The following RNF114 variants were observed in gnomAD, a reference collection of about 807,000 sequenced individuals.
RNF114 encodes E3 ubiquitin-protein ligase RNF114.
Under a neutral mutation model 28.4 loss-of-function variants are expected in RNF114, and 6 were observed. The observed-to-expected ratio is 0.21, with a 90% CI of 0.12 to 0.42. The LOEUF (loss-of-function observed/expected upper bound fraction) is 0.42. Ranked by LOEUF, RNF114 falls within the 10% of genes least tolerant of loss-of-function variation. The pLI, the probability that RNF114 is intolerant of heterozygous loss-of-function variation, is 1.00. For missense variants in RNF114, 249 were observed against 311.7 expected (o/e 0.80, Z 1.51); for synonymous variants, 115 against 116.7 (o/e 0.99, Z 0.09).
chr20:49,945,962 G>A (rs542671845), intron 3 of RNF114, among the ~76,000 whole-genome samples, 174 bp from the exon 4 acceptor site: 5 of 152,274 alleles, frequency 3.3e-5, no homozygotes, highest in African/African-American at 1.2e-4. Context: ...CACCACGCCC[G>A]GCCAGCTGAG....
rs759498741 is a variant in RNF114 at position 49,936,428 on chromosome 20, C to T, written c.16C>T (p.Arg6Trp). 1.6e-5 allele frequency: 25 copies of T among 1,522,114 alleles called. No homozygotes were observed. The highest frequency in any genetic ancestry group is 2.9e-5 in the African/African-American group (2 of 69,870). 94.3% of individuals were successfully genotyped at this position (1,522,114 alleles called of 1,614,324 possible). A position where few individuals can be genotyped will look rare whatever the true frequency, so the allele number is the denominator to read the frequency against. The change falls in exon 1 of 6, where the codon CGG becomes TGG. Residue 6 changes from arginine (R) to tryptophan (W), a missense_variant. By Grantham distance (101) the Arg-to-Trp change is moderately radical (BLOSUM62 -3). Transcript: ENST00000244061. MAAQQ[R>W]DCGGAAQLAG... is the part of the protein sequence containing the mutation. Reference sequence around the variant, plus strand: ...CGGCAGCAAGATGGCGGCGCAACAGCGGGACTGCGGGGGTGCTGCGCAGCT... The same window carrying T: ...CGGCAGCAAGATGGCGGCGCAACAGTGGGACTGCGGGGGTGCTGCGCAGCT...
chr20:49,947,815 G>C (rs190403800), intron 4 of RNF114, among the ~76,000 whole-genome samples: 2 of 72,768 alleles, frequency 2.7e-5, no homozygotes, highest in African/African-American at 5.5e-5. Flanking sequence ...TTTTTGAGGC[G>C]GAGTTTCGCT....
Position 49,953,271 on chromosome 20 carries a change from T to C in RNF114, c.*1130T>C, listed in dbSNP as rs1363756852. 1.3e-5 allele frequency: 2 copies of C among 152,096 alleles called. No individual in the cohort carries two copies. Among genetic ancestry groups the C allele is most frequent in the African/African-American group, 4.8e-5 (2 of 41,412 alleles). 9.4% of individuals were successfully genotyped at this position (152,096 alleles called of 1,614,324 possible). ...GCACAGCACATCGCAAGATGAACAG[T>C]TGTTAATAAAAGCTGTTGCTGGAAA... is the stretch of plus-strand genomic sequence containing the variant. On this transcript the variant is annotated 3_prime_UTR_variant, in exon 6 of 6. Transcript: ENST00000244061.
chr20:49,942,581 G>A (rs1429067674), intron 2 of RNF114, among the ~76,000 whole-genome samples: 1 of 152,148 alleles, frequency 6.6e-6, no homozygotes, highest in Non-Finnish European at 1.5e-5. Flanking sequence ...CCAACACTTT[G>A]GGAGGCCAAG....
At chr20:49,951,008 T>A (rs925673691) in intron 5 of RNF114, among the ~76,000 whole-genome samples, 28 of 152,336 alleles carry the variant, frequency 1.8e-4, no homozygotes, top group African/African-American at 6.7e-4. Context: ...TTATATTCTT[T>A]CCCTAGAGCT....
In RNF114 at chr20:49,936,440, G is replaced by C. The variant is rs1380331722; in HGVS notation, c.28G>C (p.Gly10Arg). The change falls in exon 1 of 6, where the codon GGT (glycine) becomes CGT (arginine). Residue 10 changes from glycine to arginine, a missense_variant. By Grantham distance (125) the Gly-to-Arg change is moderately radical. Transcript: ENST00000244061. MAAQQRDCG[G>R]AAQLAGPAAE... ...GGCGGCGCAACAGCGGGACTGCGGGGGTGCTGCGCAGCTGGCGGGGCCGGC... is the reference window on the plus strand; with the variant it reads ...GGCGGCGCAACAGCGGGACTGCGGGCGTGCTGCGCAGCTGGCGGGGCCGGC... 1.3e-6 allele frequency: 2 copies of C among 1,540,884 alleles called. No individual in the cohort carries two copies. The highest frequency in any genetic ancestry group is 1.7e-6 in the Non-Finnish European group (2 of 1,144,622).
intron 4 of RNF114, among the ~76,000 whole-genome samples, chr20:49,947,756 T>A (rs932374609): frequency 2.1e-5 from 3 of 141,550 alleles, no homozygotes; most frequent in African/African-American, 5.2e-5. Flanking sequence ...TCTGTCTTCC[T>A]CTCCCTCTGC....
intron 2 of RNF114, among the ~76,000 whole-genome samples, chr20:49,943,651 CTTTTTTTTTTTT>C (rs60425763): frequency 5.5e-5 from 4 of 72,122 alleles, no homozygotes; most frequent in South Asian, 6.3e-4. Flanking sequence ...CTACTGTCTT[CTTTTTTTTTTTT>C]TTTTTTTTTT....
At chr20:49,940,053 CAAAAAAAAAAAA>C (rs71190515) in intron 1 of RNF114, among the ~76,000 whole-genome samples, 10 of 75,556 alleles carry the variant, frequency 1.3e-4, no homozygotes, top group Admixed American at 3.2e-4. Context: ...GACTCTGTCT[CAAAAAAAAAAAA>C]AAAAAAAAAA....
intron 2 of RNF114, chr20:49,943,900 T>TATG (rs1198859496): frequency 1.3e-5 from 1 of 78,434 alleles, no homozygotes; most frequent in African/African-American, 4.6e-5. Flanking sequence ...ATATATATAT[T>TATG]TGTATTTTTA....
At chr20:49,946,590 A>G (rs1375176829) in intron 4 of RNF114, among the ~76,000 whole-genome samples, 1 of 145,578 alleles carries the variant, frequency 6.9e-6, no homozygotes, top group East Asian at 2.0e-4. Context: ...GATTCAATCT[A>G]ATGTCTAATG....
chr20:49,946,656 TC>T (rs2090332630), intron 4 of RNF114, among the ~76,000 whole-genome samples: 1 of 151,944 alleles, frequency 6.6e-6, no homozygotes, highest in Non-Finnish European at 1.5e-5. Flanking sequence ...AATTTCCCCC[TC>T]CCCCCAAGGC....
rs1040567916 is a variant in RNF114 at position 49,936,698 on chromosome 20, G to A, written c.140+146G>A. On this transcript the variant is annotated intron_variant, in intron 1 of 5. Coordinates refer to ENST00000244061, the MANE Select transcript of RNF114 (RefSeq NM_018683.4). ...GTCCCCCGGGGCTCCTAAGGGCCGT[G>A]AAAGCTGCCGGGGCGCTCTTCTGTC... 3 of 956,588 alleles carry A rather than the reference G, an allele frequency of 3.1e-6. No individual in the cohort carries two copies. In the South Asian group the frequency reaches 5.3e-5, roughly 17 times the overall value. 59.3% of individuals were successfully genotyped at this position (956,588 alleles called of 1,614,324 possible). A position where few individuals can be genotyped will look rare whatever the true frequency, so the allele number is the denominator to read the frequency against.
At position 49,952,228 on chromosome 20, in the gene RNF114, G is replaced by C. The variant is rs1024375568; in HGVS notation, c.*87G>C. ...AATCTATGACTCCTGTACCTTACCT[G>C]TTCAACAGACCTGAAAATGAGCCAT... On this transcript the variant is annotated 3_prime_UTR_variant, in exon 6 of 6. Transcript: ENST00000244061. 1.1e-5 allele frequency: 13 copies of C among 1,185,556 alleles called. No individual in the cohort carries two copies. The highest frequency in any genetic ancestry group is 1.5e-5 in the Non-Finnish European group (12 of 791,382). 73.4% of individuals were successfully genotyped at this position (1,185,556 alleles called of 1,614,324 possible).
rs764478993 is a variant in RNF114, at chr20:49,952,160, A to C, written c.*19A>C. On this transcript the variant is annotated 3_prime_UTR_variant, in exon 6 of 6. Transcript: ENST00000244061. ...CCAGTGAGCAGAGTCCGTGCTTGCTATCTGTCTCATGTTACAGAGCTTCCA... is the reference window on the plus strand; with the variant it reads ...CCAGTGAGCAGAGTCCGTGCTTGCTCTCTGTCTCATGTTACAGAGCTTCCA... 4.4e-6 allele frequency: 7 copies of C among 1,607,038 alleles called. No homozygotes were observed.
chr20:49,950,304 C>G (rs2090350522), intron 5 of RNF114, among the ~76,000 whole-genome samples: 1 of 151,694 alleles, frequency 6.6e-6, no homozygotes, highest in South Asian at 2.1e-4. Context: ...GTGATACTTG[C>G]TCTTTCCATC....
At chr20:49,949,933 A>G (rs564073972) in intron 5 of RNF114, among the ~76,000 whole-genome samples, 2 of 141,150 alleles carry the variant, frequency 1.4e-5, no homozygotes, top group Non-Finnish European at 3.1e-5. Flanking sequence ...GTGAGCCACC[A>G]CGCCCGGCCC....
chr20:49,945,105 G>C (rs976782004), intron 2 of RNF114: 62 of 285,130 alleles, frequency 2.2e-4, no homozygotes, highest in African/African-American at 1.2e-3. Context: ...GCTTGTCTGT[G>C]AGCAGACAGC....
chr20:49,937,708 T>G (rs950558939), intron 1 of RNF114, among the ~76,000 whole-genome samples: 3 of 151,944 alleles, frequency 2.0e-5, no homozygotes, highest in African/African-American at 7.2e-5. Flanking sequence ...CACCCCTCCC[T>G]TTTCAGGCTT....
Sources: allele counts gnomAD v4.1 joint callset (sites outside exome capture counted in the v4.1 genomes callset), GRCh38; gene constraint gnomAD v4.1.1; transcripts MANE v1.5; gene names NCBI Gene and HGNC (gene_info 2026-07-23, HGNC 2026-07-21).